The following TLL1 variants were observed in gnomAD, a reference collection of about 807,000 sequenced individuals.
TLL1 encodes the protein tolloid-like protein 1.
TLL1 carries 49 observed loss-of-function variants against 128.2 expected under a neutral mutation model. The ratio of observed to expected loss-of-function variants is 0.38; its 90% CI spans 0.30 to 0.48. TLL1 has a LOEUF of 0.48. Among genes scored for constraint, TLL1 ranks in the 20% least tolerant of loss-of-function variants. TLL1 has a pLI of 0.96. For missense variants in TLL1, 1,123 were observed against 1,242.0 expected, an observed-to-expected ratio of 0.90 and a Z score of 1.44; for synonymous variants, 454 against 418.8, an observed-to-expected ratio of 1.08 and a Z score of -1.03.
rs531622865 is a variant in TLL1, at chr4:166,097,391, A to G, written c.2657-1886A>G. On this transcript the variant is annotated intron_variant, in intron 19 of 20. Transcript: ENST00000061240. Reference sequence around the variant, plus strand: ...CATTTGTAATAGTGGCACCTCTATCAGTAGGTTGTGTGAGATACTCATCTA... The same window carrying G: ...CATTTGTAATAGTGGCACCTCTATCGGTAGGTTGTGTGAGATACTCATCTA... 2.0e-5 allele frequency among the ~76,000 whole-genome samples: 3 copies of G among 152,252 alleles called. No homozygotes were observed. The East Asian group carries it at 5.8e-4, about 30-fold the overall frequency.
intron 1 of TLL1, among the ~76,000 whole-genome samples, chr4:165,978,186 T>C (rs1452510851): frequency 6.6e-6 from 1 of 152,130 alleles, no homozygotes; most frequent in African/African-American, 2.4e-5. Flanking sequence ...AAATCATTTT[T>C]TTCCAAAAAG....
chr4:166,071,543 A>G (rs1397026022), intron 16 of TLL1, among the ~76,000 whole-genome samples: 1 of 151,994 alleles, frequency 6.6e-6, no homozygotes, highest in Non-Finnish European at 1.5e-5. Context: ...AAAATGCCAG[A>G]AAATTTCAAA....
In TLL1 at chr4:166,065,740, C is replaced by A; in HGVS notation, c.2065C>A (p.His689Asn). ...TGGTCTTTCCTCTGAGTCTAAACTG[C>A]ATGGCAAATTCTGTGGCGCTGAAGT... is the stretch of plus-strand genomic sequence containing the variant. ...WSGLSSESKL[H>N]GKFCGAEVPE... The change falls in exon 16 of 21, where the codon CAT (histidine) becomes AAT (asparagine). Residue 689 changes from histidine (H) to asparagine (N), a missense_variant. This residue lies in a region of TLL1 where 634 missense variants were observed against 672.4 expected (regional missense o/e 0.94). Coordinates refer to ENST00000061240, the MANE Select transcript of TLL1 (RefSeq NM_012464.5). 1 of 1,613,062 alleles carries A rather than the reference C, an allele frequency of 6.2e-7. No individual in the cohort carries two copies. Among genetic ancestry groups the A allele is most frequent in the African/African-American group, 1.3e-5 (1 of 74,934 alleles).
At chr4:165,927,845 G>A (rs981657666) in intron 1 of TLL1, among the ~76,000 whole-genome samples, 46 of 152,276 alleles carry the variant, frequency 3.0e-4, no homozygotes, top group African/African-American at 9.6e-4. Context: ...AATTACAGTA[G>A]GGCTGAGGTT....
At chr4:166,077,572 T>A (rs1741091908) in intron 17 of TLL1, among the ~76,000 whole-genome samples, 1 of 152,174 alleles carries the variant, frequency 6.6e-6, no homozygotes, top group Non-Finnish European at 1.5e-5. Context: ...ATACACCCAG[T>A]GTGGATATTC....
At chr4:166,080,859 TC>T (rs1160405706) in intron 18 of TLL1, among the ~76,000 whole-genome samples, 2 of 152,154 alleles carry the variant, frequency 1.3e-5, no homozygotes, top group Non-Finnish European at 2.9e-5. Flanking sequence ...CCTTACCTTC[TC>T]TGTTCATCCC....
At chr4:165,887,705 A>G (rs1419693055) in intron 1 of TLL1, among the ~76,000 whole-genome samples, 3 of 152,106 alleles carry the variant, frequency 2.0e-5, no homozygotes, top group African/African-American at 7.2e-5. Context: ...AAGCCTCAAC[A>G]TTTACATTTT....
At chr4:165,887,534 G>A (rs1395807345) in intron 1 of TLL1, among the ~76,000 whole-genome samples, 1 of 152,208 alleles carries the variant, frequency 6.6e-6, no homozygotes, top group Non-Finnish European at 1.5e-5. Flanking sequence ...AAAAAGCTAA[G>A]TTTGTGTTTT....
chr4:165,942,737 CTG>C (rs1163947816), intron 1 of TLL1, among the ~76,000 whole-genome samples: 1 of 151,770 alleles, frequency 6.6e-6, no homozygotes, highest in African/African-American at 2.4e-5. Context: ...CATGGGATAA[CTG>C]TAAGAATAAA....
At chr4:165,877,906 G>C (rs1421733700) in intron 1 of TLL1, among the ~76,000 whole-genome samples, 1 of 152,016 alleles carries the variant, frequency 6.6e-6, no homozygotes, top group Non-Finnish European at 1.5e-5. Context: ...TATAGAATTG[G>C]TGGAGTAAGA....
chr4:166,071,156 A>G (rs1027151118), intron 16 of TLL1, among the ~76,000 whole-genome samples: 3 of 151,868 alleles, frequency 2.0e-5, no homozygotes, highest in African/African-American at 7.2e-5. Context: ...GTTCTGTTGC[A>G]TGGACCATTG....
At chr4:165,971,996 T>G (rs7665045) in intron 1 of TLL1, among the ~76,000 whole-genome samples, 12,577 of 152,210 alleles carry the variant, frequency 0.083, 1,738 homozygotes, top group African/African-American at 0.28. Context: ...TACGTATAAG[T>G]AGAACCATCA....
intron 12 of TLL1, chr4:166,044,523 A>T: frequency 9.1e-7 from 1 of 1,104,568 alleles, no homozygotes; most frequent in Non-Finnish European, 1.3e-6. Context: ...CCAAAAAAAT[A>T]TATACTTTCT....
At chr4:166,100,269 A>C (rs1742229645) in intron 20 of TLL1, among the ~76,000 whole-genome samples, 1 of 152,118 alleles carries the variant, frequency 6.6e-6, no homozygotes, top group Non-Finnish European at 1.5e-5. Context: ...GACAACTGAA[A>C]TATAATGAAA....
intron 19 of TLL1, among the ~76,000 whole-genome samples, chr4:166,098,841 C>T (rs1172607809): frequency 6.6e-6 from 1 of 152,086 alleles, no homozygotes; most frequent in African/African-American, 2.4e-5. Context: ...AATACTCTGG[C>T]ATCTTCTTTA....
intron 1 of TLL1, among the ~76,000 whole-genome samples, chr4:165,914,587 G>A (rs1034355939): frequency 2.0e-5 from 3 of 152,206 alleles, no homozygotes; most frequent in African/African-American, 7.2e-5. Context: ...TTTCTTCACA[G>A]ATAAAGACTT....
intron 1 of TLL1, among the ~76,000 whole-genome samples, chr4:165,918,217 A>G (rs76337104): frequency 1.2e-3 from 181 of 152,232 alleles, no homozygotes; most frequent in African/African-American, 4.1e-3. Flanking sequence ...CATCATTTGA[A>G]ATCCTTTTTT....
intron 1 of TLL1, among the ~76,000 whole-genome samples, chr4:165,923,533 A>G (rs920217619): frequency 2.1e-5 from 3 of 140,428 alleles, no homozygotes; most frequent in African/African-American, 8.0e-5. Context: ...GGTTCACGCC[A>G]TTCTCCTGCC....
At chr4:166,075,143 T>C (rs923284799) in intron 17 of TLL1, 140 bp downstream of exon 17, 2 of 1,194,620 alleles carry the variant, frequency 1.7e-6, no homozygotes, top group Non-Finnish European at 2.4e-6. Flanking sequence ...CAAAATTCTG[T>C]GTAATGTCCA....
Sources: allele counts gnomAD v4.1 joint callset (sites outside exome capture counted in the v4.1 genomes callset), GRCh38; gene constraint gnomAD v4.1.1; regional missense constraint gnomAD v4.1.1; transcripts MANE v1.5; gene names NCBI Gene and HGNC (gene_info 2026-07-23, HGNC 2026-07-21).